The following RYR3 variants were observed in gnomAD, a reference collection of about 807,000 sequenced individuals.
The protein encoded by RYR3 is ryanodine receptor 3.
RYR3 carries 207 observed loss-of-function variants against 584.3 expected under a neutral mutation model. The ratio of observed to expected loss-of-function variants is 0.35; its 90% confidence interval spans 0.32 to 0.40. The LOEUF is 0.40. RYR3 is among the 10% of genes least tolerant of loss of function. RYR3 has a pLI of 1.00. For missense variants in RYR3, 5,616 were observed against 6,089.2 expected (o/e 0.92, Z 2.59); for synonymous variants, 2,416 against 2,248.5 (o/e 1.07, Z -2.11).
chr15:33,739,911 A>T lies in RYR3; in HGVS notation c.7736A>T (p.Asp2579Val), dbSNP rs1483007146. The T allele has an allele frequency of 1.2e-6, 2 of 1,613,690 alleles. No individual in the cohort carries two copies. Among genetic ancestry groups the T allele is most frequent in the African/African-American group, 2.7e-5 (2 of 74,900 alleles). Reference protein sequence around the residue: ...IAGALPPDYLDTRITATLEKQ... With the variant: ...IAGALPPDYLVTRITATLEKQ... ...GGGGCCTTGCCACCAGATTATTTAG[A>T]TACCAGAATCACAGCCACGTTGGAG... Residue 2579 changes from aspartate (D) to valine (V), a missense_variant, in exon 51 of 104, where the codon GAT becomes GTT. Around this residue, in one of 9 missense-constraint regions of RYR3, gnomAD observed 1,280 missense variants for 1,426.2 expected, o/e 0.90. Coordinates refer to ENST00000634891, the MANE Select transcript of RYR3 (RefSeq NM_001036.6).
At chr15:33,445,779 A>G (rs2046604476) in intron 1 of RYR3, among the ~76,000 whole-genome samples, 1 of 150,304 alleles carries the variant, frequency 6.7e-6, no homozygotes, top group Non-Finnish European at 1.5e-5. Flanking sequence ...TTTTTTTTTA[A>G]TGAAAGTTAA....
chr15:33,584,928 A>G (rs1245274371), intron 15 of RYR3, among the ~76,000 whole-genome samples: 2 of 152,046 alleles, frequency 1.3e-5, no homozygotes, highest in Non-Finnish European at 2.9e-5. Flanking sequence ...GAGAGGAAAA[A>G]TGATCCCCAC....
chr15:33,765,718 G>A lies in RYR3; in HGVS notation c.8706-2940G>A, dbSNP rs182613640. On this transcript the variant is annotated intron_variant, in intron 60 of 103. Transcript: ENST00000634891. ...CATCCAGTGAACAGTGTACATTATA[G>A]GGCCCAGCCATTAAATATCACCATC... is the stretch of plus-strand genomic sequence containing the variant. Among the ~76,000 whole-genome samples the A allele has an allele frequency of 4.9e-3, 741 of 151,718 alleles. 4 individuals carry two copies. Among genetic ancestry groups the A allele is most frequent in the Non-Finnish European group, 8.3e-3 (561 of 67,952 alleles).
chr15:33,800,705 T>A (rs554753797), intron 67 of RYR3, 65 bp from the exon 68 acceptor site: 1 of 1,158,382 alleles, frequency 8.6e-7, no homozygotes, highest in South Asian at 1.2e-5. Context: ...GGTATAATTT[T>A]TAGAGTGTGA....
chr15:33,336,503 A>AGGGG, intron 1 of RYR3, among the ~76,000 whole-genome samples: 1 of 55,642 alleles, frequency 1.8e-5, no homozygotes, highest in Non-Finnish European at 3.4e-5. Context: ...AGAAAGAAAG[A>AGGGG]AGGAGGGAAG....
chr15:33,721,689 A>G lies in RYR3; in HGVS notation c.6620-1026A>G, dbSNP rs112972099. 8.1e-3 allele frequency among the ~76,000 whole-genome samples: 1,229 copies of G among 152,258 alleles called. 19 individuals are homozygous for G. Among genetic ancestry groups the G allele is most frequent in the African/African-American group, 0.028 (1,146 of 41,560 alleles). On this transcript the variant is annotated intron_variant, in intron 43 of 103. Coordinates refer to ENST00000634891, the MANE Select transcript of RYR3 (RefSeq NM_001036.6). ...TTCTTTAGGCTTTAGCTAACACAAC[A>G]TGAAAAAAAGTCTTGCTCTTGAGTC...
At chr15:33,857,735 G>T in intron 98 of RYR3, 45 bp from the exon 99 acceptor site, 2 of 1,611,404 alleles carry the variant, frequency 1.2e-6, no homozygotes, top group South Asian at 1.1e-5. Flanking sequence ...TTTCAAGGTA[G>T]AGAAGACCCC....
chr15:33,684,890 A>C (rs145691405), intron 38 of RYR3, among the ~76,000 whole-genome samples: 1 of 152,216 alleles, frequency 6.6e-6, no homozygotes, highest in Non-Finnish European at 1.5e-5. Context: ...TAGACAAGGA[A>C]ATGCTGAGAG....
intron 2 of RYR3, among the ~76,000 whole-genome samples, chr15:33,493,283 G>A (rs1283331425): frequency 2.6e-5 from 4 of 152,002 alleles, no homozygotes; most frequent in Non-Finnish European, 5.9e-5. Flanking sequence ...TTTATCTCCC[G>A]TTTGACATTC....
intron 60 of RYR3, 134 bp downstream of exon 60, chr15:33,757,730 G>A (rs771856749): frequency 9.7e-5 from 91 of 934,006 alleles, no homozygotes; most frequent in Non-Finnish European, 1.3e-4. Flanking sequence ...TCTGAGTTTC[G>A]AAAGAAACTA....
At chr15:33,802,362 G>A (rs999512222) in intron 69 of RYR3, among the ~76,000 whole-genome samples, 2 of 152,168 alleles carry the variant, frequency 1.3e-5, no homozygotes, top group South Asian at 2.1e-4. Flanking sequence ...TTGACAGCAC[G>A]TACTCTTACA....
rs769010075 is a variant in RYR3 at position 33,530,673 on chromosome 15, A to C, written c.354+7A>C. On this transcript the variant is annotated splice_region_variant and intron_variant, in intron 4 of 103. Transcript: ENST00000634891. ...GCACTCTTTCAGCGGAATGGTAAGC[A>C]GCTCTGGTGCCCACTTTCATCATTC... The C allele has an allele frequency of 6.2e-7, 1 of 1,608,736 alleles. No individual in the cohort carries two copies. The highest frequency in any genetic ancestry group is 8.5e-7 in the Non-Finnish European group (1 of 1,175,320).
intron 23 of RYR3, among the ~76,000 whole-genome samples, chr15:33,632,363 C>T (rs1026802172): frequency 2.6e-5 from 4 of 152,238 alleles, no homozygotes. Flanking sequence ...AGAGCTCTTC[C>T]ACTTCTTCCC....
chr15:33,555,777 C>A (rs1004979401), intron 10 of RYR3, among the ~76,000 whole-genome samples: 2 of 152,156 alleles, frequency 1.3e-5, no homozygotes, highest in African/African-American at 4.8e-5. Context: ...GAGCCCAGTA[C>A]AGTGACTTCT....
intron 3 of RYR3, among the ~76,000 whole-genome samples, chr15:33,514,394 G>C (rs963139734): frequency 6.6e-6 from 1 of 152,092 alleles, no homozygotes; most frequent in East Asian, 1.9e-4. Flanking sequence ...AGAATGAATT[G>C]AGAGCTGACC....
At chr15:33,807,343 A>G (rs2076264952) in intron 69 of RYR3, among the ~76,000 whole-genome samples, 1 of 152,152 alleles carries the variant, frequency 6.6e-6, no homozygotes, top group Non-Finnish European at 1.5e-5. Context: ...GTCTGGGTAT[A>G]AGTCCTTTGA....
chr15:33,320,993 T>G (rs1007154004), intron 1 of RYR3, among the ~76,000 whole-genome samples: 1 of 152,224 alleles, frequency 6.6e-6, no homozygotes, highest in African/African-American at 2.4e-5. Context: ...GAGCCTGCAA[T>G]GTTCATGGCC....
chr15:33,629,450 T>C (rs1361978505), intron 21 of RYR3, among the ~76,000 whole-genome samples: 2 of 152,354 alleles, frequency 1.3e-5, no homozygotes, highest in South Asian at 2.1e-4. Context: ...TTGCATTTAT[T>C]AGGTTAAACA....
chr15:33,426,341 T>C (rs566316576), intron 1 of RYR3, among the ~76,000 whole-genome samples: 25 of 152,330 alleles, frequency 1.6e-4, no homozygotes, highest in African/African-American at 5.5e-4. Flanking sequence ...CCTTTGGTAC[T>C]CTTCAGCCTG....
Sources: gnomAD v4.1 joint callset for allele counts (sites outside exome capture counted in the v4.1 genomes callset) on GRCh38, gnomAD v4.1.1 for gene constraint, gnomAD v4.1.1 regional missense constraint, MANE v1.5 for transcripts, NCBI Gene and HGNC (gene_info 2026-07-23, HGNC 2026-07-21) for gene names.